TBC1D32: variants seen among roughly 807,000 people sequenced by gnomAD.
The protein encoded by TBC1D32 is protein broad-minded.
In TBC1D32, 151 loss-of-function variants were observed where a neutral mutation model predicts 170.3. The ratio of observed to expected loss-of-function variants is 0.89; its 90% CI spans 0.78 to 1.01. TBC1D32 has a LOEUF of 1.01. Ranked by LOEUF, TBC1D32 falls within the 50% of genes least tolerant of loss-of-function variation. The pLI, the probability that TBC1D32 is intolerant of heterozygous loss-of-function variation, is 0.00. For missense variants in TBC1D32, 1,464 were observed against 1,457.1 expected, an observed-to-expected ratio of 1.00 and a Z score of -0.08; for synonymous variants, 498 against 488.0, an observed-to-expected ratio of 1.02 and a Z score of -0.27.
At chr6:121,287,734 T>C (rs944741096) in intron 12 of TBC1D32, among the ~76,000 whole-genome samples, 10 of 152,128 alleles carry the variant, frequency 6.6e-5, no homozygotes, top group Non-Finnish European at 1.2e-4. Flanking sequence ...TTATTCCAAA[T>C]TGACCACATA....
In TBC1D32 at chr6:121,269,171, C is replaced by T. The variant is rs148378887; in HGVS notation, c.1733+9950G>A. On this transcript the variant is annotated intron_variant, in intron 15 of 31. Coordinates refer to ENST00000398212, the MANE Select transcript of TBC1D32 (RefSeq NM_152730.6). ...CACTGCAAAAACATGCCAACTTGTA[C>T]AGACCATCGAGGCTCGGAAGAAACT... is the stretch of plus-strand genomic sequence containing the variant. Among the ~76,000 whole-genome samples, 6 of 152,234 alleles carry T rather than the reference C, an allele frequency of 3.9e-5. No individual in the cohort carries two copies. The East Asian group carries it at 7.7e-4, about 20-fold the overall frequency.
intron 26 of TBC1D32, among the ~76,000 whole-genome samples, chr6:121,117,100 G>C (rs1214948484): frequency 1.3e-5 from 2 of 152,096 alleles, no homozygotes; most frequent in East Asian, 3.9e-4. Flanking sequence ...ATAAAGTTGA[G>C]ATTTACATTT....
chr6:121,187,361 G>C (rs1485550123), intron 22 of TBC1D32, among the ~76,000 whole-genome samples: 1 of 152,072 alleles, frequency 6.6e-6, no homozygotes, highest in Non-Finnish European at 1.5e-5. Context: ...GAAAGGGTTA[G>C]ACTTTCACCT....
At chr6:121,251,901 G>C (rs1798343390) in intron 17 of TBC1D32, among the ~76,000 whole-genome samples, 1 of 152,234 alleles carries the variant, frequency 6.6e-6, no homozygotes, top group East Asian at 1.9e-4. Context: ...GATATGAACA[G>C]ACACTTCTGA....
intron 12 of TBC1D32, among the ~76,000 whole-genome samples, chr6:121,290,656 A>C (rs1804689457): frequency 6.6e-6 from 1 of 152,212 alleles, no homozygotes; most frequent in African/African-American, 2.4e-5. Context: ...CTGGGTATAT[A>C]CCCAAAGGAT....
intron 2 of TBC1D32, among the ~76,000 whole-genome samples, chr6:121,319,318 A>G (rs1159511019): frequency 6.6e-6 from 1 of 152,110 alleles, no homozygotes; most frequent in Non-Finnish European, 1.5e-5. Context: ...GACACACACA[A>G]TAATTTGCAA....
chr6:121,159,720 A>T (rs909906471), intron 24 of TBC1D32, among the ~76,000 whole-genome samples: 4 of 152,164 alleles, frequency 2.6e-5, no homozygotes, highest in Admixed American at 1.3e-4. Flanking sequence ...GGTATTGTGC[A>T]TCTAAACATA....
chr6:121,125,030 C>T (rs569874387), intron 26 of TBC1D32, among the ~76,000 whole-genome samples: 14 of 152,326 alleles, frequency 9.2e-5, no homozygotes, highest in African/African-American at 3.4e-4. Context: ...TGGTCTTCGG[C>T]ATCTCATTTT....
chr6:121,213,962 A>G (rs1793490326), intron 21 of TBC1D32, among the ~76,000 whole-genome samples: 1 of 152,118 alleles, frequency 6.6e-6, no homozygotes, highest in Non-Finnish European at 1.5e-5. Flanking sequence ...AAAGAATAGA[A>G]AGCCCAGCAA....
intron 15 of TBC1D32, among the ~76,000 whole-genome samples, chr6:121,271,217 C>G (rs1373468340): frequency 2.6e-5 from 4 of 152,236 alleles, no homozygotes; most frequent in African/African-American, 9.6e-5. Flanking sequence ...CAGGGATGCC[C>G]TCTTTCACCA....
intron 29 of TBC1D32, 24 bp downstream of exon 29, chr6:121,112,481 T>C: frequency 6.3e-7 from 1 of 1,579,452 alleles, no homozygotes; most frequent in Non-Finnish European, 8.6e-7. Flanking sequence ...CAAACCCTCC[T>C]TTAAAAACAG....
chr6:121,138,259 A>G (rs1366122768), intron 24 of TBC1D32, among the ~76,000 whole-genome samples: 1 of 152,132 alleles, frequency 6.6e-6, no homozygotes, highest in African/African-American at 2.4e-5. Context: ...TACATAGATT[A>G]TTCCTTATTT....
At chr6:121,128,372 C>T (rs1426655960) in intron 25 of TBC1D32, among the ~76,000 whole-genome samples, 1 of 152,134 alleles carries the variant, frequency 6.6e-6, no homozygotes, top group Non-Finnish European at 1.5e-5. Context: ...GTAAGTGTAG[C>T]TGAACTACAT....
At chr6:121,275,147 A>G (rs1379591492) in intron 15 of TBC1D32, among the ~76,000 whole-genome samples, 1 of 152,156 alleles carries the variant, frequency 6.6e-6, no homozygotes, top group African/African-American at 2.4e-5. Flanking sequence ...AGGTACCTAT[A>G]TGTATTTGTA....
At chr6:121,220,700 G>A (rs1481787962) in intron 21 of TBC1D32, among the ~76,000 whole-genome samples, 1 of 148,738 alleles carries the variant, frequency 6.7e-6, no homozygotes, top group Non-Finnish European at 1.5e-5. Flanking sequence ...GAGTGTAGTG[G>A]CATGATCCTG....
intron 17 of TBC1D32, among the ~76,000 whole-genome samples, chr6:121,244,492 G>T (rs1293234456): frequency 6.6e-6 from 1 of 152,112 alleles, no homozygotes; most frequent in East Asian, 1.9e-4. Context: ...GACCTGCTGT[G>T]GGGGTGGTTT....
At chr6:121,147,286 G>A (rs1783584324) in intron 24 of TBC1D32, among the ~76,000 whole-genome samples, 1 of 152,164 alleles carries the variant, frequency 6.6e-6, no homozygotes, top group Non-Finnish European at 1.5e-5. Context: ...AAACACGAGT[G>A]CATGTGTGTT....
intron 1 of TBC1D32, among the ~76,000 whole-genome samples, chr6:121,331,773 T>C (rs766509945): frequency 2.6e-5 from 4 of 152,168 alleles, no homozygotes; most frequent in Non-Finnish European, 5.9e-5. Flanking sequence ...AACTCTGAGA[T>C]TGTAAAATTC....
chr6:121,185,582 A>T (rs1211967583), intron 22 of TBC1D32, among the ~76,000 whole-genome samples: 1 of 152,048 alleles, frequency 6.6e-6, no homozygotes, highest in African/African-American at 2.4e-5. Flanking sequence ...GCAGAGACCA[A>T]CCCTGGACTC....
Sources: gnomAD v4.1 joint callset for allele counts (sites outside exome capture counted in the v4.1 genomes callset) on GRCh38, gnomAD v4.1.1 for gene constraint, MANE v1.5 for transcripts, NCBI Gene and HGNC (gene_info 2026-07-23, HGNC 2026-07-21) for gene names.